DYNC1I1: variants seen among roughly 807,000 people sequenced by gnomAD.
DYNC1I1 encodes the protein dynein cytoplasmic 1 intermediate chain 1, also known as cytoplasmic dynein 1 intermediate chain 1.
A neutral mutation model predicts 86.6 loss-of-function variants in DYNC1I1; 43 were observed. That is an observed-to-expected ratio of 0.50 (90% CI 0.39 to 0.64). The LOEUF is 0.64. Ranked by LOEUF, DYNC1I1 falls within the 30% of genes least tolerant of loss-of-function variation. DYNC1I1 has a pLI of 0.00. For missense variants in DYNC1I1, 604 were observed against 788.8 expected (o/e 0.77, Z 2.81); for synonymous variants, 262 against 283.7 (o/e 0.92, Z 0.77).
At chr7:95,898,586 G>A (rs1790950148) in intron 6 of DYNC1I1, among the ~76,000 whole-genome samples, 1 of 152,136 alleles carries the variant, frequency 6.6e-6, no homozygotes, top group Non-Finnish European at 1.5e-5. Flanking sequence ...AAAATAGTAG[G>A]CAGTGGAAAG....
intron 10 of DYNC1I1, among the ~76,000 whole-genome samples, chr7:96,022,272 A>G (rs1794570878): frequency 6.6e-6 from 1 of 152,208 alleles, no homozygotes; most frequent in South Asian, 2.1e-4. Flanking sequence ...AGCCAGGACA[A>G]GGCACGTGAT....
At chr7:96,051,781 G>C (rs1174862597) in intron 14 of DYNC1I1, among the ~76,000 whole-genome samples, 1 of 152,166 alleles carries the variant, frequency 6.6e-6, no homozygotes, top group African/African-American at 2.4e-5. Flanking sequence ...TGTCTTAGCT[G>C]ATTGTTTTCC....
chr7:96,074,820 G>T (rs1183317409), intron 14 of DYNC1I1, among the ~76,000 whole-genome samples: 1 of 152,154 alleles, frequency 6.6e-6, no homozygotes, highest in Non-Finnish European at 1.5e-5. Flanking sequence ...TAAACATTCT[G>T]TGCAGATAGG....
At chr7:96,045,492 G>A (rs1220419353) in intron 14 of DYNC1I1, among the ~76,000 whole-genome samples, 1 of 152,148 alleles carries the variant, frequency 6.6e-6, no homozygotes, top group Non-Finnish European at 1.5e-5. Context: ...ATCAAAAGAG[G>A]TAGAGAATGA....
intron 10 of DYNC1I1, among the ~76,000 whole-genome samples, chr7:96,021,008 G>C (rs1418462098): frequency 1.3e-5 from 2 of 152,032 alleles, no homozygotes; most frequent in African/African-American, 2.4e-5. Flanking sequence ...TGAGGGATGG[G>C]GGATGGGGGA....
intron 6 of DYNC1I1, among the ~76,000 whole-genome samples, chr7:95,958,178 A>G (rs1480021806): frequency 6.6e-6 from 1 of 152,242 alleles, no homozygotes. Context: ...GTTGAGAACC[A>G]GAACCATAGA....
intron 6 of DYNC1I1, among the ~76,000 whole-genome samples, chr7:95,947,961 A>G (rs75617262): frequency 0.033 from 4,860 of 149,212 alleles, 216 homozygotes; most frequent in African/African-American, 0.098. Flanking sequence ...TCTGTCAAAA[A>G]CCAGGTCTTT....
chr7:95,853,775 A>G (rs529020068), intron 5 of DYNC1I1, among the ~76,000 whole-genome samples: 3 of 152,052 alleles, frequency 2.0e-5, no homozygotes, highest in African/African-American at 7.2e-5. Flanking sequence ...ATTGCAGCCT[A>G]TCTCTCTCTT....
chr7:96,058,077 A>G (rs1286986331), intron 14 of DYNC1I1, among the ~76,000 whole-genome samples: 2 of 152,172 alleles, frequency 1.3e-5, no homozygotes, highest in Non-Finnish European at 2.9e-5. Flanking sequence ...CAATGTTTAC[A>G]TACCAACCAA....
intron 1 of DYNC1I1, among the ~76,000 whole-genome samples, chr7:95,790,494 A>T (rs371387255): frequency 6.6e-6 from 1 of 152,226 alleles, no homozygotes; most frequent in East Asian, 1.9e-4. Context: ...GAGTCAACCT[A>T]CTTTTTGGAA....
In DYNC1I1 at chr7:95,811,009, A is replaced by G. The variant is rs926881887; in HGVS notation, c.223+503A>G. Among the ~76,000 whole-genome samples, 5 of 152,292 alleles carry G rather than the reference A, an allele frequency of 3.3e-5. No homozygotes were observed. In the South Asian group the frequency reaches 1.0e-3, roughly 32 times the overall value. ...AATGGTGGCAGATTAGCAGCCGATT[A>G]ACAAGTTTAAATTAATTTGACTTTA... On this transcript the variant is annotated intron_variant, in intron 3 of 16. Coordinates refer to ENST00000447467, the MANE Select transcript of DYNC1I1 (RefSeq NM_001135556.2).
intron 10 of DYNC1I1, among the ~76,000 whole-genome samples, chr7:95,999,794 T>C (rs1793965321): frequency 6.6e-6 from 1 of 152,160 alleles, no homozygotes; most frequent in South Asian, 2.1e-4. Context: ...TTGTGTTTCC[T>C]GATCCCATGC....
At chr7:95,866,113 TC>T (rs2116147453) in intron 5 of DYNC1I1, among the ~76,000 whole-genome samples, 1 of 152,308 alleles carries the variant, frequency 6.6e-6, no homozygotes, top group African/African-American at 2.4e-5. Flanking sequence ...TTGCTCTTCC[TC>T]CTTTGCTTAG....
At chr7:95,996,591 G>C (rs1793873769) in intron 10 of DYNC1I1, among the ~76,000 whole-genome samples, 1 of 152,152 alleles carries the variant, frequency 6.6e-6, no homozygotes, top group South Asian at 2.1e-4. Flanking sequence ...TGCTGTTTCT[G>C]GTTTGAAAAT....
At chr7:95,969,066 G>A (rs375508098) in intron 6 of DYNC1I1, among the ~76,000 whole-genome samples, 1 of 152,298 alleles carries the variant, frequency 6.6e-6, no homozygotes, top group South Asian at 2.1e-4. Flanking sequence ...AAGTGGCTGT[G>A]CTCTTTCAAA....
intron 14 of DYNC1I1, among the ~76,000 whole-genome samples, chr7:96,061,067 A>G (rs556357585): frequency 6.6e-6 from 1 of 152,260 alleles, no homozygotes; most frequent in East Asian, 1.9e-4. Flanking sequence ...TTGCGAGGAG[A>G]GAGAATAGTA....
intron 6 of DYNC1I1, among the ~76,000 whole-genome samples, chr7:95,895,899 C>T (rs976762250): frequency 4.6e-5 from 7 of 152,166 alleles, no homozygotes; most frequent in African/African-American, 1.2e-4. Flanking sequence ...TGAGTGAAAG[C>T]GGGGCCTGCT....
intron 1 of DYNC1I1, among the ~76,000 whole-genome samples, chr7:95,803,186 G>C (rs1168894711): frequency 6.6e-6 from 1 of 152,172 alleles, no homozygotes; most frequent in Non-Finnish European, 1.5e-5. Context: ...GGTGTACTTG[G>C]ATTGATATGA....
intron 5 of DYNC1I1, among the ~76,000 whole-genome samples, chr7:95,862,354 TAA>T (rs35856841): frequency 1.3e-5 from 2 of 149,926 alleles, no homozygotes; most frequent in East Asian, 2.0e-4. Context: ...ACTCAACCAT[TAA>T]AAAAAAAACA....
Sources: gnomAD v4.1 joint callset for allele counts (sites outside exome capture counted in the v4.1 genomes callset) on GRCh38, gnomAD v4.1.1 for gene constraint, MANE v1.5 for transcripts, NCBI Gene and HGNC (gene_info 2026-07-23, HGNC 2026-07-21) for gene names.